The following SPATA13 variants were observed in gnomAD, a reference collection of about 807,000 sequenced individuals.
SPATA13 encodes the protein spermatogenesis associated 13, also known as spermatogenesis-associated protein 13.
SPATA13 carries 50 observed loss-of-function variants against 104.0 expected under a neutral mutation model. The ratio of observed to expected loss-of-function variants is 0.48; its 90% CI spans 0.38 to 0.61. The LOEUF (loss-of-function observed/expected upper bound fraction) is 0.61. Ranked by LOEUF, SPATA13 falls within the 20% of genes least tolerant of loss-of-function variation. The pLI, the probability that SPATA13 is intolerant of heterozygous loss-of-function variation, is 0.00. For synonymous variants in SPATA13, 606 were observed against 667.5 expected (o/e 0.91, Z 1.42); for missense variants, 1,524 against 1,690.6 (o/e 0.90, Z 1.73).
At chr13:24,211,305 T>C (rs75207076) in intron 1 of SPATA13, among the ~76,000 whole-genome samples, 13 of 152,178 alleles carry the variant, frequency 8.5e-5, no homozygotes, top group Non-Finnish European at 4.4e-5. Flanking sequence ...ATGGAAGTGG[T>C]GAGAGTGGAC....
At chr13:24,172,631 G>T (rs1883024197) in intron 1 of SPATA13, among the ~76,000 whole-genome samples, 1 of 152,062 alleles carries the variant, frequency 6.6e-6, no homozygotes, top group Non-Finnish European at 1.5e-5. Context: ...GCATTCAGTT[G>T]GTTTTGCTTC....
At chr13:24,160,599 T>A (rs1252786686), upstream of SPATA13, 1 of 440,828 alleles carries the variant, frequency 2.3e-6, no homozygotes, top group Non-Finnish European at 2.8e-6. Flanking sequence ...TGTGGGGGCG[T>A]GGCCGAGGGT....
intron 4 of SPATA13, among the ~76,000 whole-genome samples, chr13:24,261,405 A>G (rs1313006095): frequency 1.3e-5 from 2 of 152,176 alleles, no homozygotes; most frequent in Admixed American, 6.5e-5. Flanking sequence ...CTCGATGAAG[A>G]TGACATCACC....
intron 3 of SPATA13, among the ~76,000 whole-genome samples, chr13:24,045,999 A>G (rs770103173): frequency 5.3e-5 from 8 of 152,230 alleles, no homozygotes; most frequent in Non-Finnish European, 8.8e-5. Flanking sequence ...ATTTTCCTTC[A>G]TATTTGAATT....
In SPATA13 at chr13:24,286,076, G is replaced by A. The variant is rs1009625093; in HGVS notation, c.2302-138G>A. 3 of 746,222 alleles carry A rather than the reference G, an allele frequency of 4.0e-6. No homozygotes were observed. The African/African-American group carries it at 5.3e-5, about 13-fold the overall frequency. The allele number at this position is 746,222 out of a possible 1,614,324, so 46.2% of individuals were successfully genotyped here. ...TTCTCTTTGTGTAACCAGTCACATA[G>A]TCAGTGTGGACCAAATGCCACCAGC... On this transcript the variant is annotated intron_variant, in intron 5 of 12. Transcript: ENST00000382108. The surrounding 1 kb of genome is among the most constrained non-coding windows in gnomAD (Gnocchi z 4.9).
chr13:24,235,111 G>A (rs1872504785), intron 2 of SPATA13, among the ~76,000 whole-genome samples: 1 of 152,052 alleles, frequency 6.6e-6, no homozygotes, highest in Admixed American at 6.6e-5. Context: ...ATTTCCTTTG[G>A]TCAAACATTT....
chr13:24,060,794 G>C (rs1566089291), intron 3 of SPATA13, among the ~76,000 whole-genome samples: 1 of 152,206 alleles, frequency 6.6e-6, no homozygotes, highest in Non-Finnish European at 1.5e-5. Flanking sequence ...TGGGCACGCT[G>C]GCTCATGCCT....
At chr13:23,989,865 C>T (rs1419170881) in intron 2 of SPATA13, among the ~76,000 whole-genome samples, 1 of 152,168 alleles carries the variant, frequency 6.6e-6, no homozygotes, top group Non-Finnish European at 1.5e-5. Context: ...GCTGTCTTGC[C>T]ACTTCCACTA....
In SPATA13 at chr13:24,161,922, C is replaced by A. The variant is rs1046205895; in HGVS notation, c.-112+990C>A. Among the ~76,000 whole-genome samples, 1 of 152,174 alleles carries A rather than the reference C, an allele frequency of 6.6e-6. No individual in the cohort carries two copies. The highest frequency in any genetic ancestry group is 1.5e-5 in the Non-Finnish European group (1 of 68,036). ...CTGTGAACCTTTCCTGGTCACCCAGCGATTTGCTCTCCTTTATTCCCCTTG... is the reference window on the plus strand; with the variant it reads ...CTGTGAACCTTTCCTGGTCACCCAGAGATTTGCTCTCCTTTATTCCCCTTG... On this transcript the variant is annotated intron_variant, in intron 1 of 12. Transcript: ENST00000382108. The surrounding 1 kb of genome is among the most constrained non-coding windows in gnomAD (Gnocchi z 4.5).
At chr13:24,053,132 G>A (rs1394384353) in intron 3 of SPATA13, among the ~76,000 whole-genome samples, 1 of 151,828 alleles carries the variant, frequency 6.6e-6, no homozygotes, top group Non-Finnish European at 1.5e-5. Context: ...TGACATTCTT[G>A]TTTTAGATAT....
At chr13:24,151,057 G>T (rs575148052) in intron 3 of SPATA13, among the ~76,000 whole-genome samples, 2 of 152,266 alleles carry the variant, frequency 1.3e-5, no homozygotes, top group South Asian at 4.1e-4. Flanking sequence ...GGAATCCTGC[G>T]AAGATTCATA....
chr13:24,100,142 TAA>T (rs5802263), intron 3 of SPATA13, among the ~76,000 whole-genome samples: 13,749 of 150,034 alleles, frequency 0.092, 1,523 homozygotes, highest in African/African-American at 0.27. Flanking sequence ...TTAAATAGTT[TAA>T]AAAAAAAAAA....
chr13:24,175,124 T>C (rs1883161752), intron 1 of SPATA13, among the ~76,000 whole-genome samples: 1 of 152,226 alleles, frequency 6.6e-6, no homozygotes, highest in Non-Finnish European at 1.5e-5. Context: ...ATGTGTATTC[T>C]GATGTCCTAG....
chr13:23,999,284 C>T (rs1388747148), intron 2 of SPATA13, among the ~76,000 whole-genome samples: 1 of 136,910 alleles, frequency 7.3e-6, no homozygotes, highest in African/African-American at 2.8e-5. Context: ...TGCTATAGGT[C>T]CTCCATTTTT....
At position 24,286,704 on chromosome 13, in the gene SPATA13, C is replaced by A; in HGVS notation, c.2482-61C>A. ...AAGTAGGAACCTGGGAGGTCTCCTG[C>A]CTCTGCTCCATGCTGCCCTCCCCTG... On this transcript the variant is annotated intron_variant, in intron 6 of 12. Coordinates refer to ENST00000382108, the MANE Select transcript of SPATA13 (RefSeq NM_001166271.3). This position sits in a 1 kb window ranked among gnomAD's most constrained non-coding sequence, Gnocchi z 4.9. 5.3e-6 allele frequency: 8 copies of A among 1,506,412 alleles called. No homozygotes were observed. The highest frequency in any genetic ancestry group is 1.4e-5 in the African/African-American group (1 of 72,826). The allele number at this position is 1,506,412 out of a possible 1,614,324, so 93.3% of individuals were successfully genotyped here. A position where few individuals can be genotyped will look rare whatever the true frequency, so the allele number is the denominator to read the frequency against.
chr13:23,983,546 C>T (rs937096062), intron 1 of SPATA13, among the ~76,000 whole-genome samples: 84 of 152,246 alleles, frequency 5.5e-4, no homozygotes, highest in African/African-American at 1.9e-3. Flanking sequence ...TGACCTGTTT[C>T]AATTGCTTTG....
intron 3 of SPATA13, among the ~76,000 whole-genome samples, chr13:24,024,947 T>C (rs1593284239): frequency 6.7e-6 from 1 of 148,804 alleles, no homozygotes; most frequent in Non-Finnish European, 1.5e-5. Context: ...TATATATAAA[T>C]ATATATATAA....
At chr13:24,132,873 A>G (rs1881431552) in intron 3 of SPATA13, among the ~76,000 whole-genome samples, 1 of 152,112 alleles carries the variant, frequency 6.6e-6, no homozygotes, top group Non-Finnish European at 1.5e-5. Flanking sequence ...ACTCAGTATG[A>G]TGAGGGCACG....
intron 3 of SPATA13, among the ~76,000 whole-genome samples, chr13:24,075,887 A>G (rs951123701): frequency 7.2e-5 from 11 of 152,328 alleles, no homozygotes; most frequent in African/African-American, 2.6e-4. Context: ...TCCTGGGAGA[A>G]GAGAGATTTC....
Sources: gnomAD v4.1 joint callset for allele counts (sites outside exome capture counted in the v4.1 genomes callset) on GRCh38, gnomAD v4.1.1 for gene constraint, Gnocchi (gnomAD v3.1) non-coding constraint, MANE v1.5 for transcripts, NCBI Gene and HGNC (gene_info 2026-07-23, HGNC 2026-07-21) for gene names.